SIPA1L3: variants seen among roughly 807,000 people sequenced by gnomAD.
SIPA1L3 encodes the protein signal-induced proliferation-associated 1-like protein 3.
In SIPA1L3, 59 loss-of-function variants were observed where a neutral mutation model predicts 150.1. That is an observed-to-expected ratio of 0.39 (90% CI 0.32 to 0.49). The LOEUF (loss-of-function observed/expected upper bound fraction) is 0.49. SIPA1L3 is among the 20% of genes least tolerant of loss of function. The pLI, the probability that SIPA1L3 is intolerant of heterozygous loss-of-function variation, is 0.86. For missense variants in SIPA1L3, 2,211 were observed against 2,489.5 expected (o/e 0.89, Z 2.38); for synonymous variants, 1,070 against 1,077.6 (o/e 0.99, Z 0.14).
intron 10 of SIPA1L3, among the ~76,000 whole-genome samples, chr19:38,137,839 T>C (rs1014150374): frequency 6.6e-6 from 1 of 151,802 alleles, no homozygotes; most frequent in Non-Finnish European, 1.5e-5. Flanking sequence ...CATCAGTACC[T>C]AAGGGAAAAG....
intron 1 of SIPA1L3, among the ~76,000 whole-genome samples, chr19:37,953,803 G>A (rs184025754): frequency 6.6e-6 from 1 of 152,286 alleles, no homozygotes; most frequent in African/African-American, 2.4e-5. Context: ...GCTTTCCCCA[G>A]AATTTGTGCC....
chr19:38,132,719 C>T (rs1260807465), intron 10 of SIPA1L3, among the ~76,000 whole-genome samples: 1 of 150,464 alleles, frequency 6.6e-6, no homozygotes, highest in Non-Finnish European at 1.5e-5. Context: ...GCAATCTTGG[C>T]TCACTGCAAC....
At chr19:38,014,672 A>ATTTTTTTTTTTTT (rs11335709) in intron 1 of SIPA1L3, among the ~76,000 whole-genome samples, 1 of 139,690 alleles carries the variant, frequency 7.2e-6, no homozygotes, top group East Asian at 2.1e-4. Flanking sequence ...CCCCCGGCTA[A>ATTTTTTTTTTTTT]TTTTTTTTTT....
intron 1 of SIPA1L3, among the ~76,000 whole-genome samples, chr19:38,024,068 C>G (rs577879696): frequency 6.6e-6 from 1 of 152,166 alleles, no homozygotes; most frequent in South Asian, 2.1e-4. Flanking sequence ...AGCGGATGAT[C>G]CTTTCCATGT....
At chr19:38,066,154 A>G (rs1156330621) in intron 2 of SIPA1L3, among the ~76,000 whole-genome samples, 1 of 151,714 alleles carries the variant, frequency 6.6e-6, no homozygotes, top group African/African-American at 2.4e-5. Flanking sequence ...CTGGTACTAT[A>G]GGCATGCACC....
intron 10 of SIPA1L3, among the ~76,000 whole-genome samples, chr19:38,138,901 A>AAAAAAAAAAAAAAC (rs1971502102): frequency 6.9e-6 from 1 of 145,710 alleles, no homozygotes; most frequent in Non-Finnish European, 1.5e-5. Flanking sequence ...CTATCTCAAA[A>AAAAAAAAAAAAAAC]AAAAAAAAAA....
intron 1 of SIPA1L3, among the ~76,000 whole-genome samples, chr19:37,977,727 T>C (rs1967109488): frequency 6.6e-6 from 1 of 152,160 alleles, no homozygotes; most frequent in Non-Finnish European, 1.5e-5. Flanking sequence ...GTAACTGGAC[T>C]CAACAAATGT....
chr19:38,114,680 C>G (rs976442676), intron 8 of SIPA1L3, among the ~76,000 whole-genome samples: 2 of 152,210 alleles, frequency 1.3e-5, no homozygotes, highest in African/African-American at 2.4e-5. Context: ...TGGTAGAAAC[C>G]TGTTTCGTCT....
At position 38,082,281 on chromosome 19, in the gene SIPA1L3, C is replaced by T; in HGVS notation, c.716C>T (p.Thr239Ile). 1 of 1,599,974 alleles carries T rather than the reference C, an allele frequency of 6.3e-7. No individual in the cohort carries two copies. The highest frequency in any genetic ancestry group is 8.5e-7 in the Non-Finnish European group (1 of 1,179,614). The change falls in exon 3 of 22, where the codon ACC becomes ATC. Residue 239 changes from threonine to isoleucine, a missense_variant. Coordinates refer to ENST00000222345, the MANE Select transcript of SIPA1L3 (RefSeq NM_015073.3). Reference sequence around the variant, plus strand: ...GACGCCCGAGGGTGCCAGGCCCTCACCGAGCTCCTCCGGGCAGATCCTGGC... The same window carrying T: ...GACGCCCGAGGGTGCCAGGCCCTCATCGAGCTCCTCCGGGCAGATCCTGGC... The part of the protein sequence containing the change: ...QPDARGCQAL[T>I]ELLRADPGPH...
At chr19:38,035,418 G>A (rs1471039129) in intron 2 of SIPA1L3, among the ~76,000 whole-genome samples, 1 of 152,156 alleles carries the variant, frequency 6.6e-6, no homozygotes, top group Non-Finnish European at 1.5e-5. Flanking sequence ...TCTAATAGGG[G>A]AAGCCACGGG....
At chr19:38,170,531 C>T (rs1214046916) in intron 15 of SIPA1L3, among the ~76,000 whole-genome samples, 2 of 152,184 alleles carry the variant, frequency 1.3e-5, no homozygotes, top group East Asian at 3.9e-4. Context: ...CTATGTCTAC[C>T]TCCACAGCAC....
chr19:38,024,562 C>T (rs969307287), intron 1 of SIPA1L3, among the ~76,000 whole-genome samples: 3 of 151,930 alleles, frequency 2.0e-5, no homozygotes, highest in Non-Finnish European at 4.4e-5. Flanking sequence ...GGCCCTGGGC[C>T]CCAGATAAGT....
chr19:37,981,762 G>C (rs2145615880), intron 1 of SIPA1L3, among the ~76,000 whole-genome samples: 1 of 152,224 alleles, frequency 6.6e-6, no homozygotes, highest in Admixed American at 6.5e-5. Context: ...AAAGGGTTAG[G>C]GTAGAGTTGC....
At chr19:37,937,741 C>CAAAAAAAAAAA (rs34881450) in intron 1 of SIPA1L3, among the ~76,000 whole-genome samples, 448 of 18,654 alleles carry the variant, frequency 0.024, 93 homozygotes, top group Non-Finnish European at 0.031. Context: ...AACCCTGTCT[C>CAAAAAAAAAAA]AAAAAAAAAA....
intron 2 of SIPA1L3, among the ~76,000 whole-genome samples, chr19:38,071,265 C>CTATCTATT (rs1269887866): frequency 7.3e-5 from 11 of 151,710 alleles, no homozygotes; most frequent in Admixed American, 4.6e-4. Context: ...ATCTATCTAT[C>CTATCTATT]TGCCTGCCTA....
At chr19:38,063,957 C>A (rs749631186) in intron 2 of SIPA1L3, among the ~76,000 whole-genome samples, 4 of 152,318 alleles carry the variant, frequency 2.6e-5, no homozygotes, top group South Asian at 2.1e-4. Flanking sequence ...AGTTAAGTAC[C>A]CAGAAGGGGC....
rs964162815 is a variant in SIPA1L3 at position 38,082,358 on chromosome 19, C to A, written c.793C>A (p.Gln265Lys). 2 of 1,597,514 alleles carry A rather than the reference C, an allele frequency of 1.3e-6. No homozygotes were observed. ...GGAKGDSHNG[Q>K]PAKDSLLPLQ... ...AGCCAAGGGGGACTCCCACAACGGG[C>A]AGCCCGCCAAGGACAGCCTCCTGCC... The change falls in exon 3 of 22, where the codon CAG (glutamine) becomes AAG (lysine). Residue 265 changes from glutamine (Q) to lysine (K), a missense_variant. Gln to Lys is a moderately conservative substitution (Grantham distance 53). Around this residue, in one of 5 missense-constraint regions of SIPA1L3, gnomAD observed 587 missense variants for 534.5 expected, o/e 1.10. Coordinates refer to ENST00000222345, the MANE Select transcript of SIPA1L3 (RefSeq NM_015073.3).
Position 38,082,321 on chromosome 19 carries a change from G to GGGC in SIPA1L3, c.765_767dup (p.Gly256dup), listed in dbSNP as rs763023709. 288 of 1,598,684 alleles carry GGGC rather than the reference G, an allele frequency of 1.8e-4. 1 individual carries two copies. Among genetic ancestry groups the GGGC allele is most frequent in the South Asian group, 8.1e-4 (74 of 90,926 alleles). ...CAGATCCTGGCCCACACCTCATGGG[G>GGGC]GGCGGCGGCGGAGCCAAGGGGGACT... On this transcript the variant is annotated inframe_insertion, in exon 3 of 22. Coordinates refer to ENST00000222345, the MANE Select transcript of SIPA1L3 (RefSeq NM_015073.3).
intron 1 of SIPA1L3, among the ~76,000 whole-genome samples, chr19:38,017,746 G>A (rs923825657): frequency 6.6e-6 from 1 of 151,854 alleles, no homozygotes; most frequent in Non-Finnish European, 1.5e-5. Context: ...GCCCAGTCTG[G>A]CTTTGAATTC....
Sources: allele counts gnomAD v4.1 joint callset (sites outside exome capture counted in the v4.1 genomes callset), GRCh38; gene constraint gnomAD v4.1.1; regional missense constraint gnomAD v4.1.1; transcripts MANE v1.5; gene names NCBI Gene and HGNC (gene_info 2026-07-23, HGNC 2026-07-21).